Variants in GPATCH2 observed in about 807,000 individuals in gnomAD.
GPATCH2 encodes G patch domain-containing protein 2.
A neutral mutation model predicts 58.0 loss-of-function variants in GPATCH2; 51 were observed. The ratio of observed to expected loss-of-function variants is 0.88; its 90% confidence interval spans 0.70 to 1.11. GPATCH2 has a LOEUF of 1.11. Among genes scored for constraint, GPATCH2 ranks in the 50% most tolerant of loss-of-function variants. The pLI is 0.00. For missense variants in GPATCH2, 625 were observed against 652.2 expected, an observed-to-expected ratio of 0.96 and a Z score of 0.45; for synonymous variants, 222 against 218.5, an observed-to-expected ratio of 1.02 and a Z score of -0.14.
chr1:217,509,498 CTT>C (rs1046316410), intron 6 of GPATCH2, among the ~76,000 whole-genome samples: 6 of 152,180 alleles, frequency 3.9e-5, no homozygotes, highest in African/African-American at 1.2e-4. Flanking sequence ...GGTGATTTGT[CTT>C]ATATCTTCTG....
At chr1:217,465,201 AAT>A (rs1660390211) in intron 8 of GPATCH2, among the ~76,000 whole-genome samples, 1 of 151,970 alleles carries the variant, frequency 6.6e-6, no homozygotes, top group African/African-American at 2.4e-5. Flanking sequence ...AAAGGCAAAA[AAT>A]AAAAACTTTA....
At chr1:217,468,556 CACACACAGAG>C (rs1382997774) in intron 8 of GPATCH2, among the ~76,000 whole-genome samples, 2 of 118,270 alleles carry the variant, frequency 1.7e-5, no homozygotes, top group Admixed American at 8.1e-5. Flanking sequence ...CACACACACA[CACACACAGAG>C]AGAAAGAGAA....
intron 7 of GPATCH2, chr1:217,495,022 CT>C: frequency 2.4e-6 from 1 of 418,652 alleles, no homozygotes; most frequent in Non-Finnish European, 3.2e-6. Flanking sequence ...TACCTTCCAA[CT>C]TTCAGATTGC....
chr1:217,575,298 CA>C (rs1322939761), intron 5 of GPATCH2, among the ~76,000 whole-genome samples: 1 of 152,078 alleles, frequency 6.6e-6, no homozygotes, highest in Non-Finnish European at 1.5e-5. Context: ...TTAGTTATCA[CA>C]TAAGAACATG....
At chr1:217,465,513 CA>C (rs1346672577) in intron 8 of GPATCH2, among the ~76,000 whole-genome samples, 1 of 152,054 alleles carries the variant, frequency 6.6e-6, no homozygotes, top group Non-Finnish European at 1.5e-5. Flanking sequence ...TGGGAGGGAC[CA>C]GGGGGAGGTA....
intron 8 of GPATCH2, among the ~76,000 whole-genome samples, chr1:217,458,147 G>C (rs527263170): frequency 1.3e-5 from 2 of 152,114 alleles, no homozygotes; most frequent in Non-Finnish European, 1.5e-5. Flanking sequence ...GGAGAATGGC[G>C]TGAACCCGGG....
intron 5 of GPATCH2, among the ~76,000 whole-genome samples, chr1:217,529,519 G>A (rs1490917765): frequency 6.6e-6 from 1 of 152,124 alleles, no homozygotes; most frequent in Non-Finnish European, 1.5e-5. Flanking sequence ...TTTCCCCTTT[G>A]ACCTTCTCCT....
At chr1:217,505,208 G>A (rs1392199835) in intron 6 of GPATCH2, among the ~76,000 whole-genome samples, 6 of 152,162 alleles carry the variant, frequency 3.9e-5, no homozygotes, top group Admixed American at 3.9e-4. Context: ...CATAGACGCA[G>A]TTTAGAGAGG....
intron 9 of GPATCH2, among the ~76,000 whole-genome samples, chr1:217,439,259 G>T (rs1659010889): frequency 1.3e-5 from 2 of 152,150 alleles, no homozygotes; most frequent in Non-Finnish European, 2.9e-5. Flanking sequence ...ACCTGCTCCT[G>T]AATGACTACT....
intron 5 of GPATCH2, among the ~76,000 whole-genome samples, chr1:217,557,394 A>G (rs939988234): frequency 2.1e-5 from 3 of 141,916 alleles, no homozygotes; most frequent in Non-Finnish European, 3.0e-5. Flanking sequence ...GGGCAACAAG[A>G]GTGAAACCCC....
At chr1:217,552,036 T>G (rs1571905559) in intron 5 of GPATCH2, among the ~76,000 whole-genome samples, 1 of 152,108 alleles carries the variant, frequency 6.6e-6, no homozygotes, top group African/African-American at 2.4e-5. Context: ...GATGGGTAAA[T>G]TTGCAATTAC....
chr1:217,612,114 G>T (rs1416270004), intron 3 of GPATCH2, among the ~76,000 whole-genome samples: 1 of 151,916 alleles, frequency 6.6e-6, no homozygotes, highest in Non-Finnish European at 1.5e-5. Context: ...CAGCAGTTTG[G>T]GGTTACAGTG....
At chr1:217,486,930 A>G (rs1661480031) in intron 8 of GPATCH2, among the ~76,000 whole-genome samples, 2 of 152,234 alleles carry the variant, frequency 1.3e-5, no homozygotes, top group Admixed American at 1.3e-4. Flanking sequence ...GAAGCTCCTC[A>G]AAAACAGCAC....
intron 5 of GPATCH2, among the ~76,000 whole-genome samples, chr1:217,534,628 C>G (rs961960549): frequency 1.3e-5 from 2 of 151,436 alleles, no homozygotes; most frequent in South Asian, 4.2e-4. Flanking sequence ...AAGCTCACAA[C>G]TGGTACCCTC....
intron 8 of GPATCH2, among the ~76,000 whole-genome samples, chr1:217,451,918 G>A (rs1382184433): frequency 6.6e-6 from 1 of 152,190 alleles, no homozygotes; most frequent in Non-Finnish European, 1.5e-5. Flanking sequence ...TTCTATACTT[G>A]CTGAACGAAT....
rs1658401825 is a variant in GPATCH2, at chr1:217,428,354, T to C, written c.*2791A>G. 1 of 152,208 alleles carries C rather than the reference T, an allele frequency of 6.6e-6. No individual in the cohort carries two copies. Among genetic ancestry groups the C allele is most frequent in the South Asian group, 2.1e-4 (1 of 4,832 alleles). 9.4% of individuals were successfully genotyped at this position (152,208 alleles called of 1,614,324 possible). A position where few individuals can be genotyped will look rare whatever the true frequency, so the allele number is the denominator to read the frequency against. ...TACCTTTTAGAGGAAATATAAATGA[T>C]ACATTCTAAATCTTGGGGTTCTATG... On this transcript the variant is annotated 3_prime_UTR_variant, in exon 10 of 10. Transcript: ENST00000366935.
chr1:217,437,063 G>A (rs1200217790), intron 9 of GPATCH2, among the ~76,000 whole-genome samples: 1 of 152,154 alleles, frequency 6.6e-6, no homozygotes, highest in Non-Finnish European at 1.5e-5. Flanking sequence ...GTTAGACAGT[G>A]GATGCAGTCC....
rs1662974249 is a variant in GPATCH2 at position 217,513,781 on chromosome 1, G to A, written c.1166+1041C>T. On this transcript the variant is annotated intron_variant, in intron 6 of 9. Coordinates refer to ENST00000366935, the MANE Select transcript of GPATCH2 (RefSeq NM_018040.5). ...ATGGGTCTTTATATTATTACCAAAT[G>A]CTTGGCAGTAGCAGAAAGTAGAGAA... Among the ~76,000 whole-genome samples, 5 of 151,696 alleles carry A rather than the reference G, an allele frequency of 3.3e-5. No homozygotes were observed. The South Asian group carries it at 1.0e-3, about 32-fold the overall frequency.
intron 8 of GPATCH2, among the ~76,000 whole-genome samples, chr1:217,459,441 T>C (rs1288114272): frequency 2.6e-5 from 4 of 152,212 alleles, no homozygotes; most frequent in African/African-American, 9.6e-5. Context: ...AGTATTCTTT[T>C]ATTCTTCACA....
Sources: gnomAD v4.1 joint callset for allele counts (sites outside exome capture counted in the v4.1 genomes callset) on GRCh38, gnomAD v4.1.1 for gene constraint, MANE v1.5 for transcripts, NCBI Gene and HGNC (gene_info 2026-07-23, HGNC 2026-07-21) for gene names.